The following KCNH8 variants were observed in gnomAD, a reference collection of about 807,000 sequenced individuals.
The protein encoded by KCNH8 is voltage-gated delayed rectifier potassium channel KCNH8.
Under a neutral mutation model 103.6 loss-of-function variants are expected in KCNH8, and 70 were observed. The observed-to-expected ratio is 0.68, with a 90% CI of 0.56 to 0.82. The LOEUF (loss-of-function observed/expected upper bound fraction) is 0.82, where lower values mean the gene tolerates loss of function less well. KCNH8 is among the 40% of genes least tolerant of loss of function. The pLI is 0.00. For synonymous variants in KCNH8, 498 were observed against 489.4 expected (o/e 1.02, Z -0.23); for missense variants, 1,217 against 1,329.9 (o/e 0.92, Z 1.32).
chr3:19,220,600 TC>T (rs935211316), intron 1 of KCNH8, among the ~76,000 whole-genome samples: 2 of 151,420 alleles, frequency 1.3e-5, no homozygotes, highest in African/African-American at 4.9e-5. Flanking sequence ...ATTTTTTTTT[TC>T]AGCCATGCTC....
At chr3:19,374,937 A>C (rs1458785005) in intron 5 of KCNH8, among the ~76,000 whole-genome samples, 1 of 150,634 alleles carries the variant, frequency 6.6e-6, no homozygotes, top group African/African-American at 2.4e-5. Context: ...ATTGGCCCCC[A>C]CTCTCTTCTG....
intron 3 of KCNH8, among the ~76,000 whole-genome samples, chr3:19,298,751 T>C (rs949391811): frequency 2.6e-5 from 4 of 151,180 alleles, no homozygotes; most frequent in African/African-American, 2.4e-5. Context: ...TGAAACCCCG[T>C]CTCTACTAAA....
Position 19,438,156 on chromosome 3 carries a change from C to A in KCNH8, c.1178-8C>A, listed in dbSNP as rs372487411. 1 of 1,612,142 alleles carries A rather than the reference C, an allele frequency of 6.2e-7. No individual in the cohort carries two copies. The highest frequency in any genetic ancestry group is 2.2e-5 in the East Asian group (1 of 44,874). ...CTTCTCTCATTTGCTTTATTTCCTC[C>A]TTTGCAGGTTGGCTTCATGAGTTGG... On this transcript the variant is annotated splice_region_variant and splice_polypyrimidine_tract_variant and intron_variant, in intron 7 of 15. Coordinates refer to ENST00000328405, the MANE Select transcript of KCNH8 (RefSeq NM_144633.3).
intron 5 of KCNH8, among the ~76,000 whole-genome samples, chr3:19,371,989 G>A (rs1405835790): frequency 6.6e-6 from 1 of 151,912 alleles, no homozygotes; most frequent in Admixed American, 6.6e-5. Flanking sequence ...TTTGGTACCA[G>A]TACCATGCTG....
chr3:19,272,719 C>A (rs542173251), intron 2 of KCNH8, among the ~76,000 whole-genome samples: 1 of 152,212 alleles, frequency 6.6e-6, no homozygotes, highest in Non-Finnish European at 1.5e-5. Context: ...ATGAATAATT[C>A]TTTAAGAATG....
At chr3:19,369,210 G>A (rs2066053741) in intron 5 of KCNH8, among the ~76,000 whole-genome samples, 1 of 151,974 alleles carries the variant, frequency 6.6e-6, no homozygotes, top group African/African-American at 2.4e-5. Flanking sequence ...ACAGAAGAGT[G>A]TTCAGTCACT....
chr3:19,308,681 T>C (rs1205353252), intron 3 of KCNH8, among the ~76,000 whole-genome samples: 5 of 59,448 alleles, frequency 8.4e-5, no homozygotes, highest in African/African-American at 2.8e-4. Context: ...TCTCTCTCTC[T>C]CTCTCTCTCT....
Position 19,381,257 on chromosome 3 carries a change from TG to T in KCNH8, c.812-9223del, listed in dbSNP as rs549629624. ...CTGCACATATATGATCATGAACACC[TG>T]ATTTATGTCAAAGGTGCCACTGCAA... is the stretch of plus-strand genomic sequence containing the variant. On this transcript the variant is annotated intron_variant, in intron 5 of 15. Transcript: ENST00000328405. Among the ~76,000 whole-genome samples, 170 of 152,100 alleles carry T rather than the reference TG, an allele frequency of 1.1e-3. 2 individuals carry two copies. Among genetic ancestry groups the T allele is most frequent in the African/African-American group, 3.8e-3 (158 of 41,534 alleles).
At chr3:19,377,733 G>A (rs1015911962) in intron 5 of KCNH8, among the ~76,000 whole-genome samples, 7 of 152,156 alleles carry the variant, frequency 4.6e-5, no homozygotes, top group African/African-American at 1.7e-4. Flanking sequence ...GCCATCCATG[G>A]TAGATGGTGG....
chr3:19,375,714 GT>G (rs1156576334), intron 5 of KCNH8, among the ~76,000 whole-genome samples: 1 of 152,128 alleles, frequency 6.6e-6, no homozygotes, highest in African/African-American at 2.4e-5. Context: ...TTTCTGTTCT[GT>G]TTTTTCCCCA....
At chr3:19,432,838 T>A (rs1184535978) in intron 7 of KCNH8, among the ~76,000 whole-genome samples, 4 of 152,196 alleles carry the variant, frequency 2.6e-5, no homozygotes, top group Non-Finnish European at 5.9e-5. Context: ...TTTGTTATGC[T>A]TTTTTCTATT....
chr3:19,483,574 A>G (rs1165585521), intron 11 of KCNH8, among the ~76,000 whole-genome samples: 2 of 152,212 alleles, frequency 1.3e-5, no homozygotes, highest in Non-Finnish European at 2.9e-5. Flanking sequence ...CATACATAAC[A>G]TGAAGTGACA....
At chr3:19,292,827 A>T (rs763607598) in intron 3 of KCNH8, among the ~76,000 whole-genome samples, 1 of 152,148 alleles carries the variant, frequency 6.6e-6, no homozygotes, top group Admixed American at 6.5e-5. Flanking sequence ...GCCTCTTTCT[A>T]TGAGGGTTCT....
Position 19,448,952 on chromosome 3 carries a change from G to A in KCNH8, c.1376-1154G>A, listed in dbSNP as rs1462087940. On this transcript the variant is annotated intron_variant, in intron 8 of 15. Transcript: ENST00000328405. ...GTTTCACAGTTCCAGGTGTGTCCAA[G>A]GCCTTCTTGGATTATCTGCTGGTTT... The A allele has an allele frequency of 4.7e-6, 6 of 1,284,894 alleles. No homozygotes were observed. In the African/African-American group the frequency reaches 9.1e-5, roughly 20 times the overall value. The allele number at this position is 1,284,894 out of a possible 1,614,324, so 79.6% of individuals were successfully genotyped here. A position where few individuals can be genotyped will look rare whatever the true frequency, so the allele number is the denominator to read the frequency against.
chr3:19,273,493 G>C (rs2064619752), intron 2 of KCNH8, among the ~76,000 whole-genome samples: 1 of 152,038 alleles, frequency 6.6e-6, no homozygotes, highest in Non-Finnish European at 1.5e-5. Flanking sequence ...ACATTAATTG[G>C]GGCTTAGTTC....
chr3:19,382,026 A>G (rs2066295367), intron 5 of KCNH8, among the ~76,000 whole-genome samples: 1 of 152,154 alleles, frequency 6.6e-6, no homozygotes, highest in Non-Finnish European at 1.5e-5. Context: ...ATTGTTGGCT[A>G]CAAAGATGGT....
At chr3:19,362,856 C>T (rs2065964894) in intron 5 of KCNH8, among the ~76,000 whole-genome samples, 1 of 151,984 alleles carries the variant, frequency 6.6e-6, no homozygotes, top group Admixed American at 6.6e-5. Context: ...TGGGGTTTCC[C>T]CATTTTGCCT....
At chr3:19,393,738 A>T (rs2125132933) in intron 6 of KCNH8, among the ~76,000 whole-genome samples, 1 of 152,202 alleles carries the variant, frequency 6.6e-6, no homozygotes, top group East Asian at 1.9e-4. Context: ...AAAACTTGAC[A>T]CAGGAGAATG....
chr3:19,390,093 G>A (rs1240058210), intron 5 of KCNH8, among the ~76,000 whole-genome samples: 2 of 152,060 alleles, frequency 1.3e-5, no homozygotes, highest in African/African-American at 2.4e-5. Flanking sequence ...CAAGCTCTTA[G>A]AACAATATTG....
Sources: gnomAD v4.1 joint callset for allele counts (sites outside exome capture counted in the v4.1 genomes callset) on GRCh38, gnomAD v4.1.1 for gene constraint, MANE v1.5 for transcripts, NCBI Gene and HGNC (gene_info 2026-07-23, HGNC 2026-07-21) for gene names.